TMEM63C: variants seen among roughly 807,000 people sequenced by gnomAD.
TMEM63C encodes transmembrane protein 63C, also known as osmosensitive cation channel TMEM63C.
Under a neutral mutation model 99.2 loss-of-function variants are expected in TMEM63C, and 32 were observed. That is an observed-to-expected ratio of 0.32 (90% CI 0.24 to 0.43). The LOEUF (loss-of-function observed/expected upper bound fraction) is 0.43. Among genes scored for constraint, TMEM63C ranks in the 20% least tolerant of loss-of-function variants. TMEM63C has a pLI of 1.00. For missense variants in TMEM63C, 826 were observed against 1,053.0 expected, an observed-to-expected ratio of 0.78 and a Z score of 2.98; for synonymous variants, 376 against 397.9, an observed-to-expected ratio of 0.94 and a Z score of 0.66.
chr14:77,248,603 G>T, intron 19 of TMEM63C, 94 bp downstream of exon 19: 1 of 1,524,672 alleles, frequency 6.6e-7, no homozygotes, highest in Non-Finnish European at 8.9e-7. Context: ...GGGTTGAGGT[G>T]GGAGGGACGG....
intron 18 of TMEM63C, among the ~76,000 whole-genome samples, 169 bp downstream of exon 18, chr14:77,246,843 G>A (rs140332596): frequency 3.3e-5 from 5 of 152,258 alleles, no homozygotes; most frequent in Admixed American, 3.3e-4. Flanking sequence ...GGATCCCTTT[G>A]GCAATCTAGT....
chr14:77,181,956 C>T, intron 1 of TMEM63C, 62 bp downstream of exon 1: 1 of 152,428 alleles, frequency 6.6e-6, no homozygotes, highest in Non-Finnish European at 1.5e-5. Context: ...GAAGGGGCGC[C>T]GGATCCAGGT....
In TMEM63C at chr14:77,252,041, A is replaced by G. The variant is rs55770237; in HGVS notation, c.2148+143A>G. On this transcript the variant is annotated intron_variant, in intron 22 of 23. Coordinates refer to ENST00000298351, the MANE Select transcript of TMEM63C (RefSeq NM_020431.4). ...TCTCTGACTGTAGAGCGTGGAGCCC[A>G]GTGTGCATGCGTGCATGCATGCGTG... is the stretch of plus-strand genomic sequence containing the variant. 4,827 of 734,830 alleles carry G rather than the reference A, an allele frequency of 6.6e-3. 182 individuals carry two copies. The African/African-American group carries it at 0.076, about 12-fold the overall frequency. The allele number at this position is 734,830 out of a possible 1,614,324, so 45.5% of individuals were successfully genotyped here.
chr14:77,246,122 C>A, intron 17 of TMEM63C, 96 bp downstream of exon 17: 1 of 975,446 alleles, frequency 1.0e-6, no homozygotes, highest in Non-Finnish European at 1.7e-6. Context: ...GTGATTGCTG[C>A]AAACCCACTC....
intron 6 of TMEM63C, among the ~76,000 whole-genome samples, chr14:77,225,883 G>T (rs931188314): frequency 6.6e-6 from 1 of 151,906 alleles, no homozygotes; most frequent in Non-Finnish European, 1.5e-5. Context: ...CTCGGCCTCA[G>T]TGCCTGGAGA....
chr14:77,198,973 C>T (rs1384024835), intron 1 of TMEM63C, among the ~76,000 whole-genome samples: 1 of 152,170 alleles, frequency 6.6e-6, no homozygotes, highest in Non-Finnish European at 1.5e-5. Flanking sequence ...GCAAGTAAAA[C>T]AAACATGACC....
intron 1 of TMEM63C, among the ~76,000 whole-genome samples, chr14:77,188,601 G>T (rs937740282): frequency 1.2e-4 from 19 of 152,308 alleles, no homozygotes; most frequent in Middle Eastern, 3.4e-3. Context: ...GGACTCTGTG[G>T]CTCACGCCTG....
chr14:77,203,260 TAGTCCC>T (rs76366670), intron 1 of TMEM63C, among the ~76,000 whole-genome samples: 14,576 of 151,232 alleles, frequency 0.096, 1,041 homozygotes, highest in African/African-American at 0.21. Flanking sequence ...TGGGCGCCTG[TAGTCCC>T]AGCTAATCAG....
At chr14:77,228,651 C>T (rs1888877890) in intron 6 of TMEM63C, among the ~76,000 whole-genome samples, 1 of 151,728 alleles carries the variant, frequency 6.6e-6, no homozygotes, top group Non-Finnish European at 1.5e-5. Context: ...ATTTTCCTGC[C>T]TCAGCCTCCC....
intron 1 of TMEM63C, among the ~76,000 whole-genome samples, chr14:77,198,871 G>T (rs779431677): frequency 6.6e-6 from 1 of 152,194 alleles, no homozygotes; most frequent in African/African-American, 2.4e-5. Flanking sequence ...GCAAACCAGA[G>T]CATGCTGGTT....
chr14:77,193,424 G>A (rs949569048), intron 1 of TMEM63C, among the ~76,000 whole-genome samples: 4 of 152,136 alleles, frequency 2.6e-5, no homozygotes, highest in Non-Finnish European at 4.4e-5. Context: ...GGCTGGGCAC[G>A]GTGGCTCATG....
In TMEM63C at chr14:77,207,601, G is replaced by A. The variant is rs981545209; in HGVS notation, c.-76-5845G>A. Among the ~76,000 whole-genome samples the A allele has an allele frequency of 5.9e-5, 9 of 152,242 alleles. No homozygotes were observed. The South Asian group carries it at 6.2e-4, about 10-fold the overall frequency. The stretch of plus-strand genomic sequence containing the variant: ...ATCCTGCCTTTGTCTCTCTCCAGCT[G>A]TGTAACTTTAGGCCAGTTACTTAAC... On this transcript the variant is annotated intron_variant, in intron 1 of 23. Transcript: ENST00000298351.
intron 1 of TMEM63C, among the ~76,000 whole-genome samples, chr14:77,194,105 T>C (rs1206665014): frequency 6.6e-6 from 1 of 152,200 alleles, no homozygotes; most frequent in African/African-American, 2.4e-5. Context: ...GCTTTGCTTG[T>C]GCAGCAAAAA....
chr14:77,227,788 G>C (rs1399059063), intron 6 of TMEM63C, among the ~76,000 whole-genome samples: 1 of 152,124 alleles, frequency 6.6e-6, no homozygotes, highest in African/African-American at 2.4e-5. Context: ...TTGGTGAGTT[G>C]GGTCTCTGTT....
chr14:77,194,495 TTC>T (rs1256962363), intron 1 of TMEM63C, among the ~76,000 whole-genome samples: 1 of 30,190 alleles, frequency 3.3e-5, no homozygotes, highest in Admixed American at 3.2e-4. Flanking sequence ...TATTTCTTTT[TTC>T]TTTCTTTCTT....
At chr14:77,248,914 A>C (rs1031595999) in intron 20 of TMEM63C, 42 bp downstream of exon 20, 16 of 1,522,364 alleles carry the variant, frequency 1.1e-5, no homozygotes, top group Non-Finnish European at 1.4e-5. Context: ...GCACATCCGC[A>C]GATGGGGAGG....
At chr14:77,200,662 A>G (rs1048583678) in intron 1 of TMEM63C, among the ~76,000 whole-genome samples, 1 of 152,188 alleles carries the variant, frequency 6.6e-6, no homozygotes, top group Non-Finnish European at 1.5e-5. Flanking sequence ...GGGGTGGTGC[A>G]TTTCCATCCA....
intron 13 of TMEM63C, among the ~76,000 whole-genome samples, chr14:77,242,133 C>A (rs1383299082): frequency 6.6e-6 from 1 of 152,132 alleles, no homozygotes. Flanking sequence ...GTCTAGGCAC[C>A]CTCAAATGCC....
chr14:77,240,727 A>G (rs1388556508), intron 13 of TMEM63C, 119 bp downstream of exon 13: 2 of 1,298,754 alleles, frequency 1.5e-6, no homozygotes, highest in Non-Finnish European at 2.1e-6. Flanking sequence ...TGCTCGTCAC[A>G]GGCAGCTGCC....
Sources: allele counts gnomAD v4.1 joint callset (sites outside exome capture counted in the v4.1 genomes callset), GRCh38; gene constraint gnomAD v4.1.1; transcripts MANE v1.5; gene names NCBI Gene and HGNC (gene_info 2026-07-23, HGNC 2026-07-21).